The following DEUP1 variants were observed in gnomAD, a reference collection of about 807,000 sequenced individuals.
DEUP1 encodes coiled-coil domain containing 67.
In DEUP1, 82 loss-of-function variants were observed where a neutral mutation model predicts 87.4. The observed-to-expected ratio is 0.94, with a 90% CI of 0.78 to 1.13. The LOEUF is 1.13. Ranked by LOEUF, DEUP1 falls within the 50% of genes most tolerant of loss-of-function variation. The pLI is 0.00. For synonymous variants in DEUP1, 214 were observed against 222.7 expected (o/e 0.96, Z 0.35); for missense variants, 663 against 681.5 (o/e 0.97, Z 0.30).
At chr11:93,335,766 A>G (rs551078768) in intron 2 of DEUP1, among the ~76,000 whole-genome samples, 1 of 152,230 alleles carries the variant, frequency 6.6e-6, no homozygotes, top group Non-Finnish European at 1.5e-5. Context: ...CTTGTTTTCA[A>G]CCTTTTTTAG....
intron 2 of DEUP1, among the ~76,000 whole-genome samples, chr11:93,354,338 G>T (rs1944778453): frequency 6.6e-6 from 1 of 152,110 alleles, no homozygotes; most frequent in Non-Finnish European, 1.5e-5. Flanking sequence ...CAGCATTTTT[G>T]TCAAAGCCAT....
intron 9 of DEUP1, among the ~76,000 whole-genome samples, chr11:93,394,004 G>C (rs113348358): frequency 0.033 from 5,099 of 152,250 alleles, 142 homozygotes; most frequent in Non-Finnish European, 0.051. Flanking sequence ...CAAATGTTTA[G>C]TTACAAACAG....
chr11:93,431,599 T>G (rs1473716793), intron 13 of DEUP1, among the ~76,000 whole-genome samples: 1 of 152,218 alleles, frequency 6.6e-6, no homozygotes, highest in Non-Finnish European at 1.5e-5. Flanking sequence ...TTAAAATTTT[T>G]AAAAGATCCT....
intron 13 of DEUP1, among the ~76,000 whole-genome samples, chr11:93,436,309 T>C (rs1462775311): frequency 6.6e-6 from 1 of 152,242 alleles, no homozygotes; most frequent in Non-Finnish European, 1.5e-5. Flanking sequence ...GTCTTTGGAA[T>C]GTCCAGATGG....
At chr11:93,429,390 A>C (rs1591275670) in intron 13 of DEUP1, among the ~76,000 whole-genome samples, 2 of 152,206 alleles carry the variant, frequency 1.3e-5, no homozygotes, top group East Asian at 3.9e-4. Flanking sequence ...TGCATCAATA[A>C]AACTTTGATC....
intron 2 of DEUP1, among the ~76,000 whole-genome samples, chr11:93,332,621 G>T (rs781590830): frequency 6.6e-6 from 1 of 152,086 alleles, no homozygotes. Context: ...CTTTTTTGCC[G>T]CATTGAGTAT....
rs1245877379 is a variant in DEUP1 at position 93,415,126 on chromosome 11, G to C, written c.1638+12G>C. On this transcript the variant is annotated intron_variant, in intron 13 of 13. Coordinates refer to ENST00000298050, the MANE Select transcript of DEUP1 (RefSeq NM_181645.4). ...ATGTATTCCCACTGGTGAGTTGCTGGTTGTGGGCTTTTTTTTTCTTTAATG... is the reference window on the plus strand; with the variant it reads ...ATGTATTCCCACTGGTGAGTTGCTGCTTGTGGGCTTTTTTTTTCTTTAATG... The C allele has an allele frequency of 6.5e-7, 1 of 1,546,458 alleles. No individual in the cohort carries two copies. Among genetic ancestry groups the C allele is most frequent in the African/African-American group, 1.4e-5 (1 of 72,990 alleles).
At chr11:93,330,655 G>T (rs1943423749), upstream of DEUP1, 1 of 153,186 alleles carries the variant, frequency 6.5e-6, no homozygotes, top group East Asian at 1.9e-4. Context: ...GGCCCAGGCG[G>T]CGGGAGCGCG....
At chr11:93,419,901 C>G (rs980074597) in intron 13 of DEUP1, among the ~76,000 whole-genome samples, 6 of 151,168 alleles carry the variant, frequency 4.0e-5, no homozygotes, top group Admixed American at 2.0e-4. Context: ...AAAACAGGCT[C>G]TGAAATTGTG....
chr11:93,435,192 A>G (rs1358800144), intron 13 of DEUP1, among the ~76,000 whole-genome samples: 1 of 152,188 alleles, frequency 6.6e-6, no homozygotes, highest in Non-Finnish European at 1.5e-5. Context: ...CCAAGGTGCT[A>G]GGGACCTATT....
chr11:93,427,325 T>C (rs951426715), intron 13 of DEUP1, among the ~76,000 whole-genome samples: 2 of 151,708 alleles, frequency 1.3e-5, no homozygotes, highest in African/African-American at 4.8e-5. Context: ...ATGCCGCATA[T>C]CTACAACCAT....
chr11:93,342,637 T>C (rs1055720277), intron 2 of DEUP1, among the ~76,000 whole-genome samples: 7 of 152,230 alleles, frequency 4.6e-5, no homozygotes, highest in Non-Finnish European at 2.9e-5. Flanking sequence ...CAAGGCAGAC[T>C]GGGAAATGTG....
At chr11:93,436,754 T>G (rs1015415004) in intron 13 of DEUP1, among the ~76,000 whole-genome samples, 4 of 152,156 alleles carry the variant, frequency 2.6e-5, no homozygotes, top group Admixed American at 2.6e-4. Flanking sequence ...AAGAAGAATA[T>G]AGCAACCACA....
At chr11:93,352,454 T>C (rs1360798283) in intron 2 of DEUP1, 1 of 696,574 alleles carries the variant, frequency 1.4e-6, no homozygotes, top group Non-Finnish European at 2.6e-6. Context: ...GCTATAGTCC[T>C]AGCTGTTATA....
Position 93,408,331 on chromosome 11 carries a change from T to A in DEUP1, c.1427T>A (p.Val476Asp). The change falls in exon 12 of 14, where the codon GTC becomes GAC. Residue 476 changes from valine (V) to aspartate (D), a missense_variant. Val to Asp is a radical substitution (Grantham distance 152, BLOSUM62 -3). Coordinates refer to ENST00000298050, the MANE Select transcript of DEUP1 (RefSeq NM_181645.4). The part of the protein sequence containing the change: ...RLRNDLAKLH[V>D]NGKSTWTNQN... ...CGAAATGATCTTGCAAAACTTCATGTCAATGGAAAATCAACCTGGACTAAT... is the reference window on the plus strand; with the variant it reads ...CGAAATGATCTTGCAAAACTTCATGACAATGGAAAATCAACCTGGACTAAT... The A allele has an allele frequency of 6.3e-7, 1 of 1,578,334 alleles. No homozygotes were observed. Among genetic ancestry groups the A allele is most frequent in the Non-Finnish European group, 8.6e-7 (1 of 1,160,786 alleles).
chr11:93,383,356 G>A (rs1946390080), intron 7 of DEUP1: 2 of 360,414 alleles, frequency 5.5e-6, no homozygotes, highest in Non-Finnish European at 9.9e-6. Flanking sequence ...CATTAAAGAG[G>A]GCAGTCACAA....
chr11:93,381,376 C>T (rs1026657279), intron 7 of DEUP1, among the ~76,000 whole-genome samples: 2 of 152,166 alleles, frequency 1.3e-5, no homozygotes, highest in African/African-American at 4.8e-5. Context: ...CCACATCATA[C>T]ACATAAATGC....
intron 2 of DEUP1, among the ~76,000 whole-genome samples, chr11:93,344,927 G>A (rs1944266326): frequency 6.6e-6 from 1 of 151,688 alleles, no homozygotes; most frequent in Non-Finnish European, 1.5e-5. Flanking sequence ...GTGTCATGGG[G>A]GTTTGTTTTA....
chr11:93,350,446 A>G (rs1944569924), intron 2 of DEUP1, among the ~76,000 whole-genome samples: 2 of 152,240 alleles, frequency 1.3e-5, no homozygotes, highest in South Asian at 4.1e-4. Flanking sequence ...ATTACTGTCT[A>G]GCTACAATCT....
Sources: allele counts gnomAD v4.1 joint callset (sites outside exome capture counted in the v4.1 genomes callset), GRCh38; gene constraint gnomAD v4.1.1; transcripts MANE v1.5; gene names NCBI Gene and HGNC (gene_info 2026-07-23, HGNC 2026-07-21).